Variants in TBC1D4 observed in about 807,000 individuals in gnomAD.
The protein encoded by TBC1D4 is TBC1 domain family member 4, also known as TBC (Tre-2, BUB2, CDC16) domain-containing protein.
A neutral mutation model predicts 142.5 loss-of-function variants in TBC1D4; 121 were observed. The observed-to-expected ratio is 0.85, with a 90% CI of 0.73 to 0.99. The LOEUF is 0.99. Ranked by LOEUF, TBC1D4 falls within the 50% of genes least tolerant of loss-of-function variation. The pLI is 0.00. For synonymous variants in TBC1D4, 630 were observed against 628.2 expected (o/e 1.00, Z -0.04); for missense variants, 1,475 against 1,606.6 (o/e 0.92, Z 1.40).
chr13:75,448,050 G>A (rs566627249), intron 1 of TBC1D4, among the ~76,000 whole-genome samples: 15 of 152,048 alleles, frequency 9.9e-5, no homozygotes, highest in Middle Eastern at 3.4e-3. Flanking sequence ...AACCATCCCC[G>A]CCACCAGTCC....
In TBC1D4 at chr13:75,285,078, A is replaced by G. The variant is rs529077533; in HGVS notation, c.*1714T>C. 2 of 152,294 alleles carry G rather than the reference A, an allele frequency of 1.3e-5. No individual in the cohort carries two copies. Among genetic ancestry groups the G allele is most frequent in the South Asian group, 2.1e-4 (1 of 4,824 alleles). The allele number at this position is 152,294 out of a possible 1,614,324, so 9.4% of individuals were successfully genotyped here. ...GCAACAAATCAATTAGTAGCCCCCA[A>G]TTGAATGGGGCAGACAGAATCAGCA... is the stretch of plus-strand genomic sequence containing the variant. On this transcript the variant is annotated 3_prime_UTR_variant, in exon 21 of 21. Transcript: ENST00000377636.
At chr13:75,318,903 A>G (rs1226189153) in intron 12 of TBC1D4, among the ~76,000 whole-genome samples, 1 of 152,176 alleles carries the variant, frequency 6.6e-6, no homozygotes, top group African/African-American at 2.4e-5. Flanking sequence ...GTTTATTTAT[A>G]TCCTTATGAC....
intron 5 of TBC1D4, among the ~76,000 whole-genome samples, chr13:75,345,147 A>C (rs1881042713): frequency 6.6e-6 from 1 of 152,182 alleles, no homozygotes; most frequent in Admixed American, 6.5e-5. Flanking sequence ...GCCCCTTCTA[A>C]GCAAAGTGAA....
chr13:75,329,908 T>C (rs1951078344), intron 8 of TBC1D4, among the ~76,000 whole-genome samples: 1 of 152,216 alleles, frequency 6.6e-6, no homozygotes. Flanking sequence ...TGTTTCTCTT[T>C]GGAACAGAAT....
chr13:75,354,315 T>C (rs1013143959), intron 4 of TBC1D4, among the ~76,000 whole-genome samples: 1 of 152,050 alleles, frequency 6.6e-6, no homozygotes, highest in Non-Finnish European at 1.5e-5. Flanking sequence ...TCTAACATAA[T>C]GTAGAAAATG....
At chr13:75,383,252 G>A (rs1297035298) in intron 1 of TBC1D4, among the ~76,000 whole-genome samples, 4 of 152,172 alleles carry the variant, frequency 2.6e-5, no homozygotes, top group African/African-American at 9.7e-5. Flanking sequence ...GAACCCAGAA[G>A]GTGGAGGCTG....
At chr13:75,291,022 G>C (rs1326958606) in intron 19 of TBC1D4, among the ~76,000 whole-genome samples, 1 of 152,178 alleles carries the variant, frequency 6.6e-6, no homozygotes, top group African/African-American at 2.4e-5. Flanking sequence ...TCTTAAGCTT[G>C]TCCACTGCAT....
intron 2 of TBC1D4, among the ~76,000 whole-genome samples, chr13:75,361,519 A>G: frequency 6.6e-6 from 1 of 152,214 alleles, no homozygotes; most frequent in African/African-American, 2.4e-5. Flanking sequence ...AGCTGGGATT[A>G]CAGGCACGCC....
rs183454652 is a variant in TBC1D4 at position 75,341,484 on chromosome 13, A to C, written c.1500+12T>G. 2.5e-6 allele frequency: 4 copies of C among 1,612,450 alleles called. No individual in the cohort carries two copies. The African/African-American group carries it at 4.0e-5, about 16-fold the overall frequency. On this transcript the variant is annotated intron_variant, in intron 6 of 20. Coordinates refer to ENST00000377636, the MANE Select transcript of TBC1D4 (RefSeq NM_014832.5). ...CTTATGTCTTATTTATGAGACCTAC[A>C]AATAATGTTACCTGAACTCTTTCAA...
chr13:75,363,192 G>A (rs141935659), intron 1 of TBC1D4, among the ~76,000 whole-genome samples: 160 of 152,274 alleles, frequency 1.1e-3, no homozygotes, highest in African/African-American at 3.8e-3. Context: ...TCTAGAGGAT[G>A]GTTTGGCAGT....
chr13:75,292,258 A>G lies in TBC1D4; in HGVS notation c.3330T>C (p.Leu1110=), dbSNP rs2137838140. Reference sequence around the variant, plus strand: ...CCTTGAATATAACTTCAGTTCCCTGAAGAAAAATAATATCTAAAAGAAGAG... The same window carrying G: ...CCTTGAATATAACTTCAGTTCCCTGGAGAAAAATAATATCTAAAAGAAGAG... ...FVARVFDIIF[L]QGTEVIFKVA... Residue 1110 remains leucine, a synonymous_variant, in exon 19 of 21, where the codon CTT becomes CTC. Transcript: ENST00000377636. 1 of 1,612,032 alleles carries G rather than the reference A, an allele frequency of 6.2e-7. No homozygotes were observed. The highest frequency in any genetic ancestry group is 8.5e-7 in the Non-Finnish European group (1 of 1,179,150).
At chr13:75,355,661 A>G (rs1881983613) in intron 4 of TBC1D4, among the ~76,000 whole-genome samples, 1 of 152,198 alleles carries the variant, frequency 6.6e-6, no homozygotes, top group African/African-American at 2.4e-5. Context: ...AATGCCAAAG[A>G]AGAAAATTAA....
chr13:75,429,554 T>C (rs1886511389), intron 1 of TBC1D4, among the ~76,000 whole-genome samples: 1 of 152,074 alleles, frequency 6.6e-6, no homozygotes, highest in Non-Finnish European at 1.5e-5. Flanking sequence ...TTTATATTGT[T>C]GTCATAAAAA....
chr13:75,473,614 G>A (rs1011273529), intron 1 of TBC1D4, among the ~76,000 whole-genome samples: 22 of 152,306 alleles, frequency 1.4e-4, no homozygotes, highest in African/African-American at 4.8e-4. Flanking sequence ...AGCCAATGTA[G>A]GCTCCTATTT....
intron 1 of TBC1D4, among the ~76,000 whole-genome samples, chr13:75,383,498 G>A (rs916925307): frequency 2.0e-5 from 3 of 152,080 alleles, no homozygotes; most frequent in African/African-American, 7.2e-5. Context: ...ATTTGGACTC[G>A]TACAGTAGTC....
intron 1 of TBC1D4, among the ~76,000 whole-genome samples, chr13:75,432,968 G>A (rs1380430152): frequency 5.3e-5 from 8 of 150,384 alleles, no homozygotes; most frequent in Non-Finnish European, 1.2e-4. Flanking sequence ...ATGCCTGTCT[G>A]TCACAATGCC....
chr13:75,320,544 C>T (rs935970750), intron 11 of TBC1D4, among the ~76,000 whole-genome samples: 5 of 151,976 alleles, frequency 3.3e-5, no homozygotes, highest in African/African-American at 7.3e-5. Context: ...AAAAAATACA[C>T]ACATTCCCTC....
intron 17 of TBC1D4, among the ~76,000 whole-genome samples, chr13:75,297,467 C>G (rs565420940): frequency 1.3e-5 from 2 of 152,144 alleles, no homozygotes; most frequent in Admixed American, 1.3e-4. Flanking sequence ...TATTAAGATA[C>G]AGGTGACCAG....
At chr13:75,301,234 T>C in intron 16 of TBC1D4, among the ~76,000 whole-genome samples, 1 of 152,128 alleles carries the variant, frequency 6.6e-6, no homozygotes, top group Non-Finnish European at 1.5e-5. Flanking sequence ...ATATTTAATC[T>C]AATAATGTAG....
Sources: gnomAD v4.1 joint callset for allele counts (sites outside exome capture counted in the v4.1 genomes callset) on GRCh38, gnomAD v4.1.1 for gene constraint, MANE v1.5 for transcripts, NCBI Gene and HGNC (gene_info 2026-07-23, HGNC 2026-07-21) for gene names.